The following PHACTR1 variants were observed in gnomAD, a reference collection of about 807,000 sequenced individuals.
The protein encoded by PHACTR1 is phosphatase and actin regulator 1, also known as RPEL repeat containing 1.
Under a neutral mutation model 69.2 loss-of-function variants are expected in PHACTR1, and 16 were observed. The ratio of observed to expected loss-of-function variants is 0.23; its 90% CI spans 0.16 to 0.35. The LOEUF is 0.35. Ranked by LOEUF, PHACTR1 falls within the 10% of genes least tolerant of loss-of-function variation. PHACTR1 has a pLI of 1.00. For synonymous variants in PHACTR1, 312 were observed against 284.5 expected, an observed-to-expected ratio of 1.10 and a Z score of -0.97; for missense variants, 510 against 734.7, an observed-to-expected ratio of 0.69 and a Z score of 3.54.
Position 13,283,931 on chromosome 6 carries a change from T to G in PHACTR1, c.1650+369T>G. 1 of 230,860 alleles carries G rather than the reference T, an allele frequency of 4.3e-6. No homozygotes were observed. Among genetic ancestry groups the G allele is most frequent in the Non-Finnish European group, 8.7e-6 (1 of 115,090 alleles). The allele number at this position is 230,860 out of a possible 1,614,324, so 14.3% of individuals were successfully genotyped here. On this transcript the variant is annotated intron_variant, in intron 13 of 14. Coordinates refer to ENST00000332995, the MANE Select transcript of PHACTR1 (RefSeq NM_030948.6). This position sits in a 1 kb window ranked among gnomAD's most constrained non-coding sequence, Gnocchi z 4.7. ...GGTGCTGCCGGCATCCAACGAGGGA[T>G]TCACCAAACCAAAAGAGAAGACAAA...
chr6:13,222,526 A>AAC (rs1768836702), intron 8 of PHACTR1, among the ~76,000 whole-genome samples: 2 of 152,314 alleles, frequency 1.3e-5, no homozygotes, highest in Admixed American at 1.3e-4. Context: ...ACATGAGAGG[A>AAC]TCTGGACAGT....
At chr6:12,893,828 T>A (rs990709520) in intron 4 of PHACTR1, among the ~76,000 whole-genome samples, 2 of 152,216 alleles carry the variant, frequency 1.3e-5, no homozygotes, top group Non-Finnish European at 1.5e-5. Context: ...AAGTGTCACA[T>A]GGGCTTCCAT....
intron 4 of PHACTR1, among the ~76,000 whole-genome samples, chr6:12,762,015 G>A (rs1448431819): frequency 6.6e-6 from 1 of 152,178 alleles, no homozygotes; most frequent in South Asian, 2.1e-4. Flanking sequence ...GACCCTGGCT[G>A]TAATCAGCGA....
chr6:13,096,348 A>T (rs1814253011), intron 5 of PHACTR1, among the ~76,000 whole-genome samples: 1 of 152,180 alleles, frequency 6.6e-6, no homozygotes, highest in Admixed American at 6.5e-5. Flanking sequence ...CTCTGATTAG[A>T]GATTAAACCA....
intron 4 of PHACTR1, among the ~76,000 whole-genome samples, chr6:12,764,594 G>A (rs529713589): frequency 7.9e-5 from 12 of 152,196 alleles, no homozygotes; most frequent in Admixed American, 3.9e-4. Context: ...GGGAGAACAC[G>A]GTTTCAAGGC....
intron 4 of PHACTR1, among the ~76,000 whole-genome samples, chr6:13,015,227 G>A (rs1800009398): frequency 6.6e-6 from 1 of 152,162 alleles, no homozygotes; most frequent in African/African-American, 2.4e-5. Flanking sequence ...CTTGGCTAAT[G>A]TCTTTTCAAA....
intron 7 of PHACTR1, among the ~76,000 whole-genome samples, chr6:13,198,702 G>A (rs1339147678): frequency 1.3e-5 from 2 of 151,812 alleles, no homozygotes; most frequent in African/African-American, 2.4e-5. Context: ...ATTTTGTGTC[G>A]GGCCACATTC....
At chr6:12,993,397 G>A (rs973742941) in intron 4 of PHACTR1, among the ~76,000 whole-genome samples, 1 of 152,174 alleles carries the variant, frequency 6.6e-6, no homozygotes, top group African/African-American at 2.4e-5. Context: ...AGACAAACAC[G>A]TAAAGAAATA....
At chr6:12,950,648 T>C (rs1412524132) in intron 4 of PHACTR1, among the ~76,000 whole-genome samples, 1 of 152,176 alleles carries the variant, frequency 6.6e-6, no homozygotes, top group African/African-American at 2.4e-5. Context: ...TTGTTGTCCT[T>C]CTCCGTTTTA....
intron 5 of PHACTR1, among the ~76,000 whole-genome samples, chr6:13,082,252 G>C (rs1412598881): frequency 6.6e-6 from 1 of 152,030 alleles, no homozygotes; most frequent in Non-Finnish European, 1.5e-5. Context: ...GTCACCAATG[G>C]CTCCAATGGG....
intron 4 of PHACTR1, among the ~76,000 whole-genome samples, chr6:12,912,721 G>A (rs1343958194): frequency 6.6e-6 from 1 of 152,206 alleles, no homozygotes; most frequent in Admixed American, 6.5e-5. Context: ...GGGAGGCTGA[G>A]GCAGGCAGAT....
At chr6:13,145,927 G>C (rs1222525477) in intron 5 of PHACTR1, among the ~76,000 whole-genome samples, 1 of 152,182 alleles carries the variant, frequency 6.6e-6, no homozygotes, top group Non-Finnish European at 1.5e-5. Flanking sequence ...GCAAAATATT[G>C]TATCTTTAGT....
chr6:13,267,664 G>T, intron 10 of PHACTR1: 1 of 152,198 alleles, frequency 6.6e-6, no homozygotes. Context: ...TCACAGATGT[G>T]CACCTCTAGG....
intron 4 of PHACTR1, chr6:12,933,816 A>T (rs765315895): frequency 6.2e-7 from 1 of 1,612,784 alleles, no homozygotes; most frequent in Non-Finnish European, 8.5e-7. Context: ...TTCTCTACTC[A>T]GGGTATGAGC....
At chr6:12,959,963 T>G (rs549653622) in intron 4 of PHACTR1, among the ~76,000 whole-genome samples, 23 of 152,336 alleles carry the variant, frequency 1.5e-4, no homozygotes, top group African/African-American at 5.3e-4. Flanking sequence ...ATTTCTGGGA[T>G]AGTCCAACAT....
intron 4 of PHACTR1, among the ~76,000 whole-genome samples, chr6:12,872,932 T>C (rs1024292525): frequency 6.6e-6 from 1 of 152,136 alleles, no homozygotes; most frequent in African/African-American, 2.4e-5. Context: ...CTTCTTTCTT[T>C]CTTTTCTTTC....
chr6:13,144,790 A>G (rs1385806873), intron 5 of PHACTR1, among the ~76,000 whole-genome samples: 1 of 151,472 alleles, frequency 6.6e-6, no homozygotes, highest in Non-Finnish European at 1.5e-5. Context: ...AAAAAAAAAA[A>G]AGTATGTGTG....
intron 4 of PHACTR1, among the ~76,000 whole-genome samples, chr6:12,946,805 ATT>A (rs11412388): frequency 0.024 from 2,017 of 85,034 alleles, 16 homozygotes; most frequent in Non-Finnish European, 0.032. Flanking sequence ...ATGGTGCTGG[ATT>A]TTTTTTTTTT....
chr6:13,191,070 C>G (rs903527668), intron 7 of PHACTR1, among the ~76,000 whole-genome samples: 4 of 152,136 alleles, frequency 2.6e-5, no homozygotes, highest in Non-Finnish European at 5.9e-5. Context: ...CTCTGATGCT[C>G]TCTCTCCCCC....
Sources: gnomAD v4.1 joint callset for allele counts (sites outside exome capture counted in the v4.1 genomes callset) on GRCh38, gnomAD v4.1.1 for gene constraint, Gnocchi (gnomAD v3.1) non-coding constraint, MANE v1.5 for transcripts, NCBI Gene and HGNC (gene_info 2026-07-23, HGNC 2026-07-21) for gene names.